The following SORL1 variants were observed in gnomAD, a reference collection of about 807,000 sequenced individuals.
SORL1 encodes the protein sortilin related receptor 1, also known as sortilin-related receptor.
Under a neutral mutation model 273.7 loss-of-function variants are expected in SORL1, and 127 were observed. The ratio of observed to expected loss-of-function variants is 0.46; its 90% CI spans 0.40 to 0.54. The LOEUF (loss-of-function observed/expected upper bound fraction) is 0.54. SORL1 is among the 20% of genes least tolerant of loss of function. The pLI is 0.00. For missense variants in SORL1, 2,494 were observed against 2,846.1 expected, an observed-to-expected ratio of 0.88 and a Z score of 2.81; for synonymous variants, 1,031 against 1,067.4, an observed-to-expected ratio of 0.97 and a Z score of 0.66.
At chr11:121,471,498 G>T (rs1319143292) in intron 2 of SORL1, among the ~76,000 whole-genome samples, 1 of 152,212 alleles carries the variant, frequency 6.6e-6, no homozygotes, top group Non-Finnish European at 1.5e-5. Flanking sequence ...CCTCAGCCTG[G>T]GGTCTGACAC....
At chr11:121,551,225 G>A (rs1316877187) in intron 16 of SORL1, among the ~76,000 whole-genome samples, 2 of 152,130 alleles carry the variant, frequency 1.3e-5, no homozygotes, top group African/African-American at 4.8e-5. Flanking sequence ...AGGTTAAATG[G>A]CTTAAGGTCA....
At chr11:121,614,415 A>G (rs1379360986) in intron 40 of SORL1, 1 of 160,862 alleles carries the variant, frequency 6.2e-6, no homozygotes, top group Non-Finnish European at 1.4e-5. Context: ...GTGCCTGCAC[A>G]GTAGTTGATG....
chr11:121,545,503 C>A, intron 14 of SORL1, 74 bp downstream of exon 14: 2 of 1,393,490 alleles, frequency 1.4e-6, no homozygotes, highest in Non-Finnish European at 2.0e-6. Context: ...AGAGATTAGG[C>A]ATGGTCCCTT....
chr11:121,490,013 C>G, intron 4 of SORL1, 30 bp from the exon 5 acceptor site: 1 of 1,570,430 alleles, frequency 6.4e-7, no homozygotes, highest in East Asian at 2.2e-5. Context: ...TTATACATGC[C>G]TCTTGCATCA....
In SORL1 at chr11:121,632,990, G is replaced by A. The variant is rs1330954585; in HGVS notation, c.*3427G>A. 1 of 152,146 alleles carries A rather than the reference G, an allele frequency of 6.6e-6. No homozygotes were observed. The highest frequency in any genetic ancestry group is 1.5e-5 in the Non-Finnish European group (1 of 68,026). The allele number at this position is 152,146 out of a possible 1,614,324, so 9.4% of individuals were successfully genotyped here. A position where few individuals can be genotyped will look rare whatever the true frequency, so the allele number is the denominator to read the frequency against. On this transcript the variant is annotated 3_prime_UTR_variant, in exon 48 of 48. Coordinates refer to ENST00000260197, the MANE Select transcript of SORL1 (RefSeq NM_003105.6). Reference sequence around the variant, plus strand: ...ACTCTAAAACTCTGTGCAGAATCTTGTGTTGGGATTGTATCTTGACATTCC... The same window carrying A: ...ACTCTAAAACTCTGTGCAGAATCTTATGTTGGGATTGTATCTTGACATTCC...
intron 21 of SORL1, among the ~76,000 whole-genome samples, chr11:121,564,873 G>A (rs1277011019): frequency 1.3e-5 from 2 of 151,982 alleles, no homozygotes; most frequent in Admixed American, 6.5e-5. Context: ...GCACCCAGCC[G>A]GTAATAGAGT....
chr11:121,591,224 T>G, intron 31 of SORL1, 68 bp downstream of exon 31: 1 of 1,556,266 alleles, frequency 6.4e-7, no homozygotes, highest in Non-Finnish European at 8.8e-7. Context: ...GGGGGTGTGC[T>G]CTGGGCACAA....
At chr11:121,478,911 C>T (rs1386048198) in intron 3 of SORL1, among the ~76,000 whole-genome samples, 1 of 150,030 alleles carries the variant, frequency 6.7e-6, no homozygotes. Flanking sequence ...TGTGCAGATA[C>T]CTGTGTGCAT....
chr11:121,612,696 G>A (rs1362807497), intron 39 of SORL1, 40 bp from the exon 40 acceptor site: 2 of 1,440,654 alleles, frequency 1.4e-6, no homozygotes, highest in Non-Finnish European at 2.0e-6. Context: ...TGTGCCCCAT[G>A]ACTAGCTGTT....
chr11:121,578,678 A>G (rs115368965), intron 25 of SORL1, among the ~76,000 whole-genome samples: 1 of 152,262 alleles, frequency 6.6e-6, no homozygotes, highest in African/African-American at 2.4e-5. Flanking sequence ...CATTCCTTTT[A>G]GTTTGGAGGT....
At chr11:121,555,360 G>A (rs768993348) in intron 18 of SORL1, 42 bp downstream of exon 18, 9 of 1,606,236 alleles carry the variant, frequency 5.6e-6, no homozygotes, top group South Asian at 5.5e-5. Context: ...GGGAGCAGGC[G>A]GGGCACCTGG....
chr11:121,544,596 T>A (rs1403744708), intron 13 of SORL1, among the ~76,000 whole-genome samples: 4 of 152,244 alleles, frequency 2.6e-5, no homozygotes, highest in Non-Finnish European at 5.9e-5. Flanking sequence ...AGGTTGTGTA[T>A]CAGCTTCGGG....
intron 7 of SORL1, among the ~76,000 whole-genome samples, chr11:121,513,416 TC>T (rs1861908008): frequency 6.6e-6 from 1 of 152,194 alleles, no homozygotes; most frequent in African/African-American, 2.4e-5. Flanking sequence ...CATGATAGGA[TC>T]TTTTTTTATT....
intron 12 of SORL1, among the ~76,000 whole-genome samples, chr11:121,543,294 A>G (rs1049098635): frequency 1.3e-4 from 19 of 151,978 alleles, no homozygotes; most frequent in Non-Finnish European, 2.6e-4. Flanking sequence ...GTAATCTGTT[A>G]CCATCATTTT....
At chr11:121,509,048 T>A (rs1257798464) in intron 6 of SORL1, among the ~76,000 whole-genome samples, 1 of 152,130 alleles carries the variant, frequency 6.6e-6, no homozygotes, top group East Asian at 1.9e-4. Context: ...CTTAGCTATC[T>A]ACTCACTACT....
chr11:121,459,788 T>G (rs185754892), intron 1 of SORL1, among the ~76,000 whole-genome samples: 9 of 152,330 alleles, frequency 5.9e-5, no homozygotes, highest in African/African-American at 1.9e-4. Flanking sequence ...TGACTTACCT[T>G]GATGTAGCTG....
Position 121,595,563 on chromosome 11 carries a change from G to A in SORL1, c.4370-60G>A. 1 of 1,407,714 alleles carries A rather than the reference G, an allele frequency of 7.1e-7. No homozygotes were observed. The highest frequency in any genetic ancestry group is 1.2e-5 in the South Asian group (1 of 80,670). The allele number at this position is 1,407,714 out of a possible 1,614,324, so 87.2% of individuals were successfully genotyped here. A position where few individuals can be genotyped will look rare whatever the true frequency, so the allele number is the denominator to read the frequency against. ...TAATCTCCTAGCATATTGATTGGTT[G>A]CTGTTATTGGCCAGCTCCCTCAATA... On this transcript the variant is annotated intron_variant, in intron 31 of 47. Transcript: ENST00000260197. The surrounding 1 kb of genome is among the most constrained non-coding windows in gnomAD (Gnocchi z 5.1).
intron 21 of SORL1, among the ~76,000 whole-genome samples, chr11:121,564,377 C>T (rs1242476458): frequency 6.6e-6 from 1 of 152,154 alleles, no homozygotes; most frequent in South Asian, 2.1e-4. Flanking sequence ...CCTCAGAGTA[C>T]AGTTTCATAC....
Position 121,514,302 on chromosome 11 carries a change from G to T in SORL1, c.1192G>T (p.Gly398Cys), listed in dbSNP as rs149883151. The change falls in exon 8 of 48, where the codon GGC becomes TGC. Residue 398 changes from glycine (G) to cysteine (C), a missense_variant. By Grantham distance (159) the Gly-to-Cys change is radical. Around this residue, in one of 3 missense-constraint regions of SORL1, gnomAD observed 710 missense variants for 882.5 expected, o/e 0.80. Transcript: ENST00000260197. ...NVLYYSPGGA[G>C]SDTLVRYFAN... ...GCTCTATTACAGCCCAGGAGGGGCC[G>T]GCAGTGACACCTTGGTGAGGTAAGG... 1.9e-6 allele frequency: 3 copies of T among 1,613,722 alleles called. No individual in the cohort carries two copies. The highest frequency in any genetic ancestry group is 2.5e-6 in the Non-Finnish European group (3 of 1,179,922).
Sources: allele counts gnomAD v4.1 joint callset (sites outside exome capture counted in the v4.1 genomes callset), GRCh38; gene constraint gnomAD v4.1.1; regional missense constraint gnomAD v4.1.1; non-coding constraint Gnocchi (gnomAD v3.1); transcripts MANE v1.5; gene names NCBI Gene and HGNC (gene_info 2026-07-23, HGNC 2026-07-21).